Variants in PLPPR1 observed in about 807,000 individuals in gnomAD.
PLPPR1 encodes phospholipid phosphatase related 1.
A neutral mutation model predicts 33.1 loss-of-function variants in PLPPR1; 10 were observed. That is an observed-to-expected ratio of 0.30 (90% CI 0.19 to 0.51). The LOEUF is 0.51. Ranked by LOEUF, PLPPR1 falls within the 20% of genes least tolerant of loss-of-function variation. The pLI is 0.97. For synonymous variants in PLPPR1, 151 were observed against 151.0 expected, an observed-to-expected ratio of 1.00 and a Z score of 0.00; for missense variants, 304 against 408.1, an observed-to-expected ratio of 0.74 and a Z score of 2.20.
chr9:101,155,894 G>T (rs892785381), intron 1 of PLPPR1, among the ~76,000 whole-genome samples: 6 of 152,088 alleles, frequency 3.9e-5, no homozygotes, highest in Admixed American at 3.3e-4. Context: ...GCCACTGGCT[G>T]GGCCGGGGGA....
intron 2 of PLPPR1, among the ~76,000 whole-genome samples, chr9:101,207,348 A>G (rs577718368): frequency 2.8e-4 from 43 of 152,302 alleles, no homozygotes; most frequent in Admixed American, 2.7e-3. Flanking sequence ...TGCCCTCTAC[A>G]CTTTAGTTGT....
In PLPPR1 at chr9:101,317,347, T is replaced by C. The variant is rs773510942; in HGVS notation, c.814-18T>C. On this transcript the variant is annotated intron_variant, in intron 6 of 7. Coordinates refer to ENST00000374874, the MANE Select transcript of PLPPR1 (RefSeq NM_207299.2). ...GGCTGCAGTCTGACCCCATTCTTTT[T>C]TCCCCCTCATCCTGCAGGGAATGTG... 10 of 1,609,724 alleles carry C rather than the reference T, an allele frequency of 6.2e-6. No homozygotes were observed. In the East Asian group the frequency reaches 6.7e-5, roughly 11 times the overall value.
rs549972568 is a variant in PLPPR1, at chr9:101,147,480, G to A, written c.-45-37970G>A. On this transcript the variant is annotated intron_variant, in intron 1 of 7. Coordinates refer to ENST00000374874, the MANE Select transcript of PLPPR1 (RefSeq NM_207299.2). ...ATACTTGCTCAGTGGGGAAGGAGCA[G>A]AATAGCATAAAGCATAGAGACCGAT... Among the ~76,000 whole-genome samples, 120 of 152,186 alleles carry A rather than the reference G, an allele frequency of 7.9e-4. 1 individual carries two copies. The South Asian group carries it at 0.013, about 16-fold the overall frequency.
intron 3 of PLPPR1, among the ~76,000 whole-genome samples, chr9:101,280,932 CAAAA>C (rs924512828): frequency 1.1e-4 from 16 of 151,802 alleles, no homozygotes; most frequent in African/African-American, 3.1e-4. Flanking sequence ...AGCAATCAGA[CAAAA>C]GAAAGAAAGA....
rs370905143 is a variant in PLPPR1 at position 101,160,591 on chromosome 9, C to T, written c.-45-24859C>T. On this transcript the variant is annotated intron_variant, in intron 1 of 7. Transcript: ENST00000374874. ...CAAATGAGAGAATTTGAAATGCAGCCTTAAAGGGTGTTAAAATAATTTTGT... is the reference window on the plus strand; with the variant it reads ...CAAATGAGAGAATTTGAAATGCAGCTTTAAAGGGTGTTAAAATAATTTTGT... Among the ~76,000 whole-genome samples, 21 of 152,126 alleles carry T rather than the reference C, an allele frequency of 1.4e-4. No homozygotes were observed. The East Asian group carries it at 3.7e-3, about 27-fold the overall frequency.
intron 4 of PLPPR1, 52 bp downstream of exon 4, chr9:101,286,288 A>G (rs780254122): frequency 3.3e-6 from 5 of 1,512,228 alleles, no homozygotes; most frequent in East Asian, 2.3e-5. Context: ...TAAAATTACT[A>G]AAGGCAAACA....
intron 2 of PLPPR1, among the ~76,000 whole-genome samples, chr9:101,203,934 A>G (rs1015023444): frequency 6.6e-6 from 1 of 152,118 alleles, no homozygotes; most frequent in Non-Finnish European, 1.5e-5. Context: ...AATTTGAGAA[A>G]GAGTTATGTC....
intron 2 of PLPPR1, among the ~76,000 whole-genome samples, chr9:101,222,831 GC>G (rs1826974006): frequency 1.4e-5 from 2 of 146,948 alleles, no homozygotes; most frequent in Admixed American, 1.4e-4. Context: ...GCAAACCCCC[GC>G]CCCCGCCATG....
At position 101,269,968 on chromosome 9, in the gene PLPPR1, A is replaced by G. The variant is rs1828064165; in HGVS notation, c.152A>G (p.Gln51Arg). ...FQVHIQGFFCQDGDLMKPYPG... is the reference protein window; with the variant it reads ...FQVHIQGFFCRDGDLMKPYPG... ...GTGCATATCCAAGGATTCTTCTGTC[A>G]GGACGGAGACTTAATGAAGCCTTAC... Residue 51 changes from glutamine to arginine, a missense_variant, in exon 3 of 8, where the codon CAG becomes CGG. Transcript: ENST00000374874. 1 of 1,614,222 alleles carries G rather than the reference A, an allele frequency of 6.2e-7. No individual in the cohort carries two copies. The highest frequency in any genetic ancestry group is 8.5e-7 in the Non-Finnish European group (1 of 1,180,032).
chr9:101,107,837 G>A (rs1442418873), intron 1 of PLPPR1, among the ~76,000 whole-genome samples: 7 of 150,412 alleles, frequency 4.7e-5, no homozygotes, highest in Non-Finnish European at 7.4e-5. Flanking sequence ...CCAGGTGTGG[G>A]ATATAGTCTC....
chr9:101,189,082 C>T (rs540799494), intron 2 of PLPPR1, among the ~76,000 whole-genome samples: 8 of 152,172 alleles, frequency 5.3e-5, no homozygotes, highest in African/African-American at 1.4e-4. Context: ...TGAGTGACCA[C>T]GCCCTGTGAC....
At chr9:101,190,082 A>G (rs1383192296) in intron 2 of PLPPR1, among the ~76,000 whole-genome samples, 1 of 152,110 alleles carries the variant, frequency 6.6e-6, no homozygotes, top group Admixed American at 6.6e-5. Flanking sequence ...CCTTGGGTTT[A>G]ATTTCTATAT....
chr9:101,203,758 G>GTTATATATCTATCT (rs1270215680), intron 2 of PLPPR1, among the ~76,000 whole-genome samples: 2 of 41,846 alleles, frequency 4.8e-5, no homozygotes, highest in African/African-American at 1.4e-4. Flanking sequence ...TATATAGACA[G>GTTATATATCTATCT]ATATATAACT....
chr9:101,160,491 A>AT (rs984024089), intron 1 of PLPPR1, among the ~76,000 whole-genome samples: 4 of 152,166 alleles, frequency 2.6e-5, no homozygotes, highest in Non-Finnish European at 5.9e-5. Flanking sequence ...TGGGAAATCA[A>AT]TTTTTGGGGG....
intron 4 of PLPPR1, among the ~76,000 whole-genome samples, chr9:101,289,638 C>G (rs1828457351): frequency 6.6e-6 from 1 of 152,160 alleles, no homozygotes; most frequent in South Asian, 2.1e-4. Context: ...ATGGTTTTAT[C>G]AGGGGTTTCT....
chr9:101,090,516 A>G (rs1261312062), intron 1 of PLPPR1, among the ~76,000 whole-genome samples: 2 of 152,176 alleles, frequency 1.3e-5, no homozygotes, highest in Non-Finnish European at 2.9e-5. Flanking sequence ...GCTTTCCCTC[A>G]ATCCACCCTT....
At chr9:101,032,336 G>GCCCT (rs1829955814) in intron 1 of PLPPR1, among the ~76,000 whole-genome samples, 1 of 152,162 alleles carries the variant, frequency 6.6e-6, no homozygotes, top group South Asian at 2.1e-4. Flanking sequence ...GAGGTGTTGA[G>GCCCT]ACTGGAGGCA....
chr9:101,152,756 G>A (rs879078060), intron 1 of PLPPR1, among the ~76,000 whole-genome samples: 2 of 152,028 alleles, frequency 1.3e-5, no homozygotes, highest in Admixed American at 1.3e-4. Context: ...CCATTGGTCT[G>A]TATCTCTGTT....
chr9:101,100,231 A>G (rs369225502), intron 1 of PLPPR1, among the ~76,000 whole-genome samples: 1 of 152,150 alleles, frequency 6.6e-6, no homozygotes, highest in Non-Finnish European at 1.5e-5. Context: ...GATTTAAAGA[A>G]TGTCACACAT....
Sources: gnomAD v4.1 joint callset for allele counts (sites outside exome capture counted in the v4.1 genomes callset) on GRCh38, gnomAD v4.1.1 for gene constraint, MANE v1.5 for transcripts, NCBI Gene and HGNC (gene_info 2026-07-23, HGNC 2026-07-21) for gene names.